ADAM28: variants seen among roughly 807,000 people sequenced by gnomAD.
ADAM28 encodes ADAM metallopeptidase domain 28, also known as disintegrin and metalloproteinase domain-containing protein 28.
Under a neutral mutation model 101.2 loss-of-function variants are expected in ADAM28, and 105 were observed. The ratio of observed to expected loss-of-function variants is 1.04; its 90% CI spans 0.89 to 1.22. The LOEUF (loss-of-function observed/expected upper bound fraction) is 1.22. ADAM28 is among the 50% of genes most tolerant of loss of function. The pLI is 0.00. For synonymous variants in ADAM28, 322 were observed against 310.6 expected (o/e 1.04, Z -0.39); for missense variants, 1,028 against 945.4 (o/e 1.09, Z -1.15).
intron 21 of ADAM28, among the ~76,000 whole-genome samples, chr8:24,352,422 G>A (rs1446352873): frequency 6.6e-6 from 1 of 152,204 alleles, no homozygotes; most frequent in African/African-American, 2.4e-5. Context: ...AGTGTCTGGT[G>A]AAGCGGCCTT....
chr8:24,356,804 G>C lies in ADAM28; in HGVS notation c.*2400G>C, dbSNP rs1009953804. On this transcript the variant is annotated 3_prime_UTR_variant, in exon 23 of 23. Coordinates refer to ENST00000265769, the MANE Select transcript of ADAM28 (RefSeq NM_014265.6). ...TTAGGTTAAATTATGTTTTTATCCA[G>C]TTACTCTAAGATACCTTAGTGTTTG... 2.6e-5 allele frequency: 4 copies of C among 152,056 alleles called. No homozygotes were observed. The highest frequency in any genetic ancestry group is 5.9e-5 in the Non-Finnish European group (4 of 68,006). The allele number at this position is 152,056 out of a possible 1,614,324, so 9.4% of individuals were successfully genotyped here. A position where few individuals can be genotyped will look rare whatever the true frequency, so the allele number is the denominator to read the frequency against.
rs755930270 is a variant in ADAM28, at chr8:24,349,940, G to A, written c.2067G>A (p.Gln689=). The A allele has an allele frequency of 6.2e-7, 1 of 1,613,656 alleles. No individual in the cohort carries two copies. The highest frequency in any genetic ancestry group is 1.1e-5 in the South Asian group (1 of 91,078). The change falls in exon 19 of 23, where the codon CAG becomes CAA. Residue 689 remains glutamine, a synonymous_variant. Coordinates refer to ENST00000265769, the MANE Select transcript of ADAM28 (RefSeq NM_014265.6). ...TGGTTGCTATGGTAATCCGGCACCA[G>A]AGCTCCAGAGAAAAGCAGAAGAAAG... ...FVVVAMVIRH[Q]SSREKQKKDQ...
chr8:24,308,113 A>G (rs1003155051), intron 2 of ADAM28, among the ~76,000 whole-genome samples: 3 of 152,172 alleles, frequency 2.0e-5, no homozygotes, highest in Non-Finnish European at 4.4e-5. Flanking sequence ...TTGGATCTAT[A>G]TGTTTCTGTG....
chr8:24,320,932 C>A (rs1811784601), intron 7 of ADAM28, among the ~76,000 whole-genome samples: 1 of 151,906 alleles, frequency 6.6e-6, no homozygotes, highest in Non-Finnish European at 1.5e-5. Context: ...GTTAATTCTG[C>A]ACACCTTAGA....
intron 4 of ADAM28, among the ~76,000 whole-genome samples, chr8:24,311,044 A>G (rs1311717901): frequency 6.6e-6 from 1 of 152,192 alleles, no homozygotes; most frequent in Non-Finnish European, 1.5e-5. Context: ...AGGAAAAATG[A>G]GTGTCCAGTG....
chr8:24,328,904 A>G (rs1218782886), intron 10 of ADAM28, among the ~76,000 whole-genome samples: 1 of 150,932 alleles, frequency 6.6e-6, no homozygotes, highest in Non-Finnish European at 1.5e-5. Context: ...TTGGGCAACA[A>G]GAGTGAGACA....
chr8:24,336,691 A>G (rs1281437551), intron 14 of ADAM28, among the ~76,000 whole-genome samples: 1 of 152,014 alleles, frequency 6.6e-6, no homozygotes, highest in Non-Finnish European at 1.5e-5. Flanking sequence ...AGTTGAACGC[A>G]TAGAAGCAGA....
intron 2 of ADAM28, among the ~76,000 whole-genome samples, chr8:24,306,884 A>ATC (rs1809766822): frequency 1.3e-5 from 2 of 152,222 alleles, no homozygotes; most frequent in Admixed American, 1.3e-4. Context: ...CATGCCTCAT[A>ATC]TCTCACTCCT....
chr8:24,308,339 C>T (rs1444185479), intron 2 of ADAM28, among the ~76,000 whole-genome samples: 2 of 151,876 alleles, frequency 1.3e-5, no homozygotes, highest in African/African-American at 2.4e-5. Flanking sequence ...TCATAGAGGC[C>T]CTGGCTTTCT....
chr8:24,353,579 T>C (rs7836989), intron 21 of ADAM28, among the ~76,000 whole-genome samples, 191 bp from the exon 22 acceptor site: 149,405 of 152,188 alleles, frequency 0.98, 73,367 homozygotes, highest in East Asian at 1. Context: ...TCAACGGGCT[T>C]GGAGTGGTTA....
intron 8 of ADAM28, among the ~76,000 whole-genome samples, chr8:24,322,995 T>C (rs1323398245): frequency 6.6e-6 from 1 of 151,974 alleles, no homozygotes; most frequent in Non-Finnish European, 1.5e-5. Flanking sequence ...ATGTTTAAGA[T>C]TAGAGGACCA....
intron 10 of ADAM28, among the ~76,000 whole-genome samples, chr8:24,329,702 T>A (rs2129304061): frequency 6.6e-6 from 1 of 152,200 alleles, no homozygotes; most frequent in East Asian, 1.9e-4. Flanking sequence ...TCTGATTTCT[T>A]ATTGTTGATG....
At chr8:24,349,735 G>T in intron 18 of ADAM28, 129 bp from the exon 19 acceptor site, 6 of 618,824 alleles carry the variant, frequency 9.7e-6, no homozygotes, top group Admixed American at 4.9e-5. Flanking sequence ...CATTTTACTG[G>T]CTATGGGAAT....
At chr8:24,295,368 G>A (rs1027161287) in intron 1 of ADAM28, among the ~76,000 whole-genome samples, 2 of 151,706 alleles carry the variant, frequency 1.3e-5, no homozygotes, top group African/African-American at 4.9e-5. Flanking sequence ...GCTTTCTTTT[G>A]GTAAAATAAG....
intron 10 of ADAM28, among the ~76,000 whole-genome samples, chr8:24,327,962 C>T (rs1726340737): frequency 6.6e-6 from 1 of 151,964 alleles, no homozygotes; most frequent in Non-Finnish European, 1.5e-5. Context: ...TCTTTCATTG[C>T]AATTTAAAAT....
intron 1 of ADAM28, among the ~76,000 whole-genome samples, chr8:24,295,047 T>C (rs1807780235): frequency 1.3e-5 from 2 of 152,198 alleles, no homozygotes. Flanking sequence ...GGGAACAGAT[T>C]ATCAACTAGA....
intron 10 of ADAM28, among the ~76,000 whole-genome samples, chr8:24,327,702 G>C (rs1346544847): frequency 6.6e-6 from 1 of 151,996 alleles, no homozygotes; most frequent in East Asian, 1.9e-4. Flanking sequence ...TAGACCAATG[G>C]AACAGAACAG....
chr8:24,311,948 AGGTT>A (rs1333816248), intron 5 of ADAM28, among the ~76,000 whole-genome samples: 7 of 152,094 alleles, frequency 4.6e-5, no homozygotes, highest in Non-Finnish European at 1.0e-4. Context: ...CATATTGGCC[AGGTT>A]GGTCTCGAAC....
intron 10 of ADAM28, among the ~76,000 whole-genome samples, chr8:24,328,458 C>T (rs567480772): frequency 6.9e-4 from 105 of 151,632 alleles, no homozygotes; most frequent in Non-Finnish European, 1.2e-3. Context: ...CATGGATGTA[C>T]AGAAGAAGTA....
Sources: gnomAD v4.1 joint callset for allele counts (sites outside exome capture counted in the v4.1 genomes callset) on GRCh38, gnomAD v4.1.1 for gene constraint, MANE v1.5 for transcripts, NCBI Gene and HGNC (gene_info 2026-07-23, HGNC 2026-07-21) for gene names.